The following OPALIN variants were observed in gnomAD, a reference collection of about 807,000 sequenced individuals.
OPALIN encodes oligodendrocytic myelin paranodal and inner loop protein.
A neutral mutation model predicts 17.8 loss-of-function variants in OPALIN; 15 were observed. The observed-to-expected ratio is 0.84, with a 90% CI of 0.56 to 1.29. The LOEUF is 1.29. Ranked by LOEUF, OPALIN falls within the 50% of genes most tolerant of loss-of-function variation. The probability of loss-of-function intolerance (pLI) is 0.00; values close to 1 mark genes in which losing one functional copy is unlikely to be tolerated. For synonymous variants in OPALIN, 62 were observed against 63.8 expected (o/e 0.97, Z 0.14); for missense variants, 170 against 176.0 (o/e 0.97, Z 0.19).
chr10:96,358,777 T>C (rs1845908285), intron 1 of OPALIN, 117 bp downstream of exon 1: 2 of 1,059,440 alleles, frequency 1.9e-6, no homozygotes, highest in Middle Eastern at 2.0e-4. Flanking sequence ...ATTTTGCATA[T>C]AGGAAAATAA....
intron 1 of OPALIN, chr10:96,356,836 A>G (rs987359809): frequency 1.3e-5 from 13 of 971,622 alleles, no homozygotes; most frequent in Non-Finnish European, 1.5e-5. Flanking sequence ...CCCGCATTTT[A>G]TAGAGAATAA....
intron 2 of OPALIN, among the ~76,000 whole-genome samples, chr10:96,353,201 C>T (rs933090973): frequency 2.6e-5 from 4 of 152,182 alleles, no homozygotes; most frequent in Non-Finnish European, 5.9e-5. Context: ...AATGCAGTGT[C>T]TTAGTCCCAT....
chr10:96,346,747 C>T (rs1057462782), intron 5 of OPALIN, among the ~76,000 whole-genome samples: 5 of 152,112 alleles, frequency 3.3e-5, no homozygotes, highest in African/African-American at 7.2e-5. Context: ...TGTTTGACAT[C>T]GTTATGTTAT....
intron 1 of OPALIN, among the ~76,000 whole-genome samples, chr10:96,358,015 T>C (rs1346528576): frequency 5.9e-5 from 9 of 151,876 alleles, no homozygotes; most frequent in African/African-American, 1.9e-4. Flanking sequence ...TAAGACCCCA[T>C]ACTCACAACC....
In OPALIN at chr10:96,355,256, G is replaced by A. The variant is rs752401220; in HGVS notation, c.38C>T (p.Thr13Ile). Residue 13 changes from threonine (T) to isoleucine (I), a missense_variant and splice_region_variant, in exon 2 of 6, where the codon ACA becomes ATA. Coordinates refer to ENST00000371172, the MANE Select transcript of OPALIN (RefSeq NM_033207.5). ...FSLNFTLPANTTSSPVTGGKE... is the reference protein window; with the variant it reads ...FSLNFTLPANITSSPVTGGKE... ...GTGAATGGGGGCTGCTGTACTTACT[G>A]TGTTCGCCGGCAGGGTGAAGTTCAG... 35 of 1,613,362 alleles carry A rather than the reference G, an allele frequency of 2.2e-5. No individual in the cohort carries two copies. The highest frequency in any genetic ancestry group is 3.0e-5 in the Non-Finnish European group (35 of 1,179,760).
At chr10:96,355,159 C>CGT in intron 2 of OPALIN, 96 bp downstream of exon 2, 2 of 470,682 alleles carry the variant, frequency 4.2e-6, no homozygotes, top group Non-Finnish European at 8.3e-6. Flanking sequence ...AACTTATCAC[C>CGT]GTGTGTGAGG....
chr10:96,357,324 C>T (rs1346742122), intron 1 of OPALIN, among the ~76,000 whole-genome samples: 5 of 152,134 alleles, frequency 3.3e-5, no homozygotes, highest in Non-Finnish European at 7.3e-5. Context: ...AGATTTTGGC[C>T]AATTTCAGAA....
chr10:96,344,730 A>G lies in OPALIN; in HGVS notation c.*1211T>C, dbSNP rs1422114097. 6.6e-6 allele frequency: 1 copy of G among 152,212 alleles called. No homozygotes were observed. The highest frequency in any genetic ancestry group is 1.5e-5 in the Non-Finnish European group (1 of 68,036). 9.4% of individuals were successfully genotyped at this position (152,212 alleles called of 1,614,324 possible). On this transcript the variant is annotated 3_prime_UTR_variant, in exon 6 of 6. Coordinates refer to ENST00000371172, the MANE Select transcript of OPALIN (RefSeq NM_033207.5). Reference sequence around the variant, plus strand: ...ATCTGAAGCCTTTAAAAAATAAAATAAAAGAAGTTGTAACTTTAACAACTA... The same window carrying G: ...ATCTGAAGCCTTTAAAAAATAAAATGAAAGAAGTTGTAACTTTAACAACTA...
intron 2 of OPALIN, among the ~76,000 whole-genome samples, chr10:96,352,341 C>CA (rs75819216): frequency 0.16 from 24,413 of 148,436 alleles, 2,636 homozygotes; most frequent in East Asian, 0.52. Context: ...CTCCATTTTA[C>CA]AAAAAAAAAA....
In OPALIN at chr10:96,347,014, TA is replaced by T. The variant is rs368774117; in HGVS notation, c.250-898del. ...TGATTTTTGTATCCAGTAAACTTGT[TA>T]AAATTTCTTGTTAATTCAAGTAATT... On this transcript the variant is annotated intron_variant, in intron 5 of 5. Transcript: ENST00000371172. Among the ~76,000 whole-genome samples the T allele has an allele frequency of 3.7e-3, 562 of 152,288 alleles. 7 individuals are homozygous for T. The highest frequency in any genetic ancestry group is 0.013 in the African/African-American group (534 of 41,572).
intron 4 of OPALIN, 52 bp from the exon 5 acceptor site, chr10:96,348,397 G>A (rs1464176268): frequency 4.4e-6 from 4 of 910,354 alleles, no homozygotes; most frequent in Non-Finnish European, 7.0e-6. Flanking sequence ...AGAAGTGAAG[G>A]GTTATAGCAT....
Position 96,343,920 on chromosome 10 carries a change from C to A in OPALIN, c.*2021G>T, listed in dbSNP as rs1192913425. On this transcript the variant is annotated 3_prime_UTR_variant, in exon 6 of 6. Coordinates refer to ENST00000371172, the MANE Select transcript of OPALIN (RefSeq NM_033207.5). ...GGATGAACTTAAGATGCCCTGGACC[C>A]AGGCCTTCCCACTGGGAGGCCTGGC... The A allele has an allele frequency of 6.6e-6, 1 of 152,220 alleles. No homozygotes were observed. Among genetic ancestry groups the A allele is most frequent in the Non-Finnish European group, 1.5e-5 (1 of 68,050 alleles). The allele number at this position is 152,220 out of a possible 1,614,324, so 9.4% of individuals were successfully genotyped here.
At chr10:96,346,351 G>C (rs1338582842) in intron 5 of OPALIN, among the ~76,000 whole-genome samples, 1 of 152,186 alleles carries the variant, frequency 6.6e-6, no homozygotes, top group Non-Finnish European at 1.5e-5. Flanking sequence ...CTTTGGGAGA[G>C]CTTTCAGGCC....
At position 96,345,945 on chromosome 10, in the gene OPALIN, T is replaced by C. The variant is rs1589382711; in HGVS notation, c.422A>G (p.Glu141Gly). 6.2e-7 allele frequency: 1 copy of C among 1,613,870 alleles called. No homozygotes were observed. Among genetic ancestry groups the C allele is most frequent in the Non-Finnish European group, 8.5e-7 (1 of 1,179,920 alleles). The change falls in exon 6 of 6, where the codon GAA becomes GGA. Residue 141 changes from glutamate to glycine, a missense_variant. Transcript: ENST00000371172. ...CTGCTCCTTGACTGAGCTGCATCAT[T>C]CCAGGCTCAGTCTGGGCACAAGCCA... is the stretch of plus-strand genomic sequence containing the variant. ...LWWLVPRLSL[E>G]
chr10:96,350,844 G>A (rs1048169847), intron 3 of OPALIN, among the ~76,000 whole-genome samples: 3 of 152,188 alleles, frequency 2.0e-5, no homozygotes, highest in Non-Finnish European at 4.4e-5. Flanking sequence ...AAGATAATCT[G>A]CAGAAACCCT....
chr10:96,348,369 T>A (rs375137975), intron 4 of OPALIN, 24 bp from the exon 5 acceptor site: 1 of 1,184,338 alleles, frequency 8.4e-7, no homozygotes, highest in Non-Finnish European at 1.2e-6. Flanking sequence ...AATATAATAA[T>A]AAAAGAAAGA....
chr10:96,352,636 CT>C (rs138232095), intron 2 of OPALIN, among the ~76,000 whole-genome samples: 2,198 of 149,446 alleles, frequency 0.015, 21 homozygotes, highest in Non-Finnish European at 0.023. Context: ...TCAGGTAAGG[CT>C]TCCTGTCTTC....
At chr10:96,352,103 A>C (rs1371395632) in intron 2 of OPALIN, among the ~76,000 whole-genome samples, 2 of 152,152 alleles carry the variant, frequency 1.3e-5, no homozygotes, top group Middle Eastern at 3.2e-3. Flanking sequence ...GCCATTTCTC[A>C]ATTTACAAGC....
At chr10:96,348,081 T>C (rs1410630919) in intron 5 of OPALIN, among the ~76,000 whole-genome samples, 1 of 152,238 alleles carries the variant, frequency 6.6e-6, no homozygotes. Context: ...ATAAATTATA[T>C]TAAATTGATT....
Sources: allele counts gnomAD v4.1 joint callset (sites outside exome capture counted in the v4.1 genomes callset), GRCh38; gene constraint gnomAD v4.1.1; transcripts MANE v1.5; gene names NCBI Gene and HGNC (gene_info 2026-07-23, HGNC 2026-07-21).